Variants in SGCG observed in about 807,000 individuals in gnomAD.
SGCG encodes sarcoglycan gamma, also known as gamma-sarcoglycan.
A neutral mutation model predicts 29.3 loss-of-function variants in SGCG; 26 were observed. The ratio of observed to expected loss-of-function variants is 0.89; its 90% CI spans 0.65 to 1.23. SGCG has a LOEUF of 1.23. Ranked by LOEUF, SGCG falls within the 50% of genes most tolerant of loss-of-function variation. SGCG has a pLI of 0.00. For synonymous variants in SGCG, 145 were observed against 129.7 expected (o/e 1.12, Z -0.80); for missense variants, 353 against 356.0 (o/e 0.99, Z 0.07).
chr13:23,180,195 A>G (rs12100082), upstream of SGCG, among the ~76,000 whole-genome samples: 58 of 152,344 alleles, frequency 3.8e-4, no homozygotes, highest in African/African-American at 1.3e-3. Flanking sequence ...CATAAAAATA[A>G]TGCAAAATAA....
rs569862668 is a variant in SGCG, at chr13:23,233,421, T to C, written c.196-1190T>C. 5.3e-5 allele frequency among the ~76,000 whole-genome samples: 8 copies of C among 152,304 alleles called. No homozygotes were observed. In the South Asian group the frequency reaches 1.7e-3, roughly 32 times the overall value. On this transcript the variant is annotated intron_variant, in intron 2 of 7. Transcript: ENST00000218867. ...TTGACCTTATAGCCATATACATATA[T>C]TTCAAATTGTACCCCAAAATGTGTA...
At chr13:23,186,121 C>G (rs1246516971) in intron 1 of SGCG, among the ~76,000 whole-genome samples, 2 of 152,216 alleles carry the variant, frequency 1.3e-5, no homozygotes, top group Admixed American at 6.5e-5. Flanking sequence ...TCAGCATTTG[C>G]TTCATTCTCA....
chr13:23,232,474 T>A (rs1879149178), intron 2 of SGCG, among the ~76,000 whole-genome samples: 1 of 152,196 alleles, frequency 6.6e-6, no homozygotes, highest in Admixed American at 6.5e-5. Flanking sequence ...TAAATAATGC[T>A]TTCTATTTGG....
chr13:23,223,867 GAGGCA>G (rs1321619254), intron 2 of SGCG, among the ~76,000 whole-genome samples: 2 of 152,186 alleles, frequency 1.3e-5, no homozygotes, highest in African/African-American at 2.4e-5. Flanking sequence ...TCGGGAGGCT[GAGGCA>G]AGAGAATCGC....
chr13:23,242,504 G>A (rs974162675), intron 3 of SGCG, among the ~76,000 whole-genome samples: 3 of 152,166 alleles, frequency 2.0e-5, no homozygotes, highest in African/African-American at 4.8e-5. Context: ...AAAGTTCTAC[G>A]TTCTATGATT....
chr13:23,274,849 T>C (rs9552907), intron 4 of SGCG, among the ~76,000 whole-genome samples: 1 of 151,778 alleles, frequency 6.6e-6, no homozygotes, highest in Non-Finnish European at 1.5e-5. Context: ...AATTTAATAA[T>C]GCTATGAAAT....
At chr13:23,193,888 C>A (rs980415603) in intron 1 of SGCG, among the ~76,000 whole-genome samples, 18 of 151,690 alleles carry the variant, frequency 1.2e-4, no homozygotes, top group Non-Finnish European at 2.2e-4. Flanking sequence ...ATTTAGAGGC[C>A]AGAGAAAAAG....
At chr13:23,277,987 C>A (rs139261301) in intron 4 of SGCG, among the ~76,000 whole-genome samples, 3 of 151,948 alleles carry the variant, frequency 2.0e-5, no homozygotes, top group African/African-American at 4.8e-5. Flanking sequence ...CGTGAGCCAC[C>A]GCGCCCAGCC....
intron 1 of SGCG, among the ~76,000 whole-genome samples, chr13:23,188,000 A>G (rs1408977911): frequency 6.6e-6 from 1 of 152,190 alleles, no homozygotes; most frequent in East Asian, 1.9e-4. Flanking sequence ...GGATGCATCT[A>G]ACCCCACAGG....
At chr13:23,310,342 T>C (rs1007704239) in intron 6 of SGCG, among the ~76,000 whole-genome samples, 2 of 152,138 alleles carry the variant, frequency 1.3e-5, no homozygotes, top group African/African-American at 2.4e-5. Context: ...CGCCTCGGCC[T>C]CCCAAAGTGC....
At chr13:23,162,320 A>C in the SGCG span, among the ~76,000 whole-genome samples, 1 of 152,222 alleles carries the variant, frequency 6.6e-6, no homozygotes, top group Non-Finnish European at 1.5e-5. Flanking sequence ...TTTACTGCTT[A>C]AGACTGTATC....
intron 2 of SGCG, among the ~76,000 whole-genome samples, chr13:23,224,665 T>TACACACACAC (rs60671278): frequency 4.9e-4 from 69 of 142,084 alleles, no homozygotes; most frequent in African/African-American, 1.3e-3. Context: ...AGGGCACACA[T>TACACACACAC]ACACACACAC....
intron 3 of SGCG, among the ~76,000 whole-genome samples, chr13:23,248,904 T>A (rs1449414117): frequency 2.1e-5 from 3 of 144,024 alleles, no homozygotes; most frequent in Non-Finnish European, 4.5e-5. Flanking sequence ...GGCAGGAGAA[T>A]GGCGTGAACC....
At chr13:23,284,268 A>G (rs921087331) in intron 5 of SGCG, among the ~76,000 whole-genome samples, 1 of 152,078 alleles carries the variant, frequency 6.6e-6, no homozygotes, top group African/African-American at 2.4e-5. Flanking sequence ...TGGTCTTTTC[A>G]CATAGTCCCA....
chr13:23,257,088 G>T (rs1005519396), intron 4 of SGCG, among the ~76,000 whole-genome samples: 1 of 152,126 alleles, frequency 6.6e-6, no homozygotes, highest in South Asian at 2.1e-4. Flanking sequence ...GTGTGAAATG[G>T]TATCTCTTTG....
chr13:23,171,630 C>A, the SGCG span, among the ~76,000 whole-genome samples: 1 of 152,136 alleles, frequency 6.6e-6, no homozygotes, highest in Non-Finnish European at 1.5e-5. Flanking sequence ...ACAGTTTTTC[C>A]ATAGATGGAG....
intron 2 of SGCG, among the ~76,000 whole-genome samples, chr13:23,207,568 G>A (rs1878029142): frequency 6.6e-6 from 1 of 152,152 alleles, no homozygotes; most frequent in Admixed American, 6.6e-5. Context: ...CTATATAACT[G>A]ATAAGGGGTT....
chr13:23,206,778 T>C (rs146673743), intron 2 of SGCG, among the ~76,000 whole-genome samples: 6 of 152,302 alleles, frequency 3.9e-5, no homozygotes, highest in Non-Finnish European at 7.4e-5. Flanking sequence ...TAAAGACTTA[T>C]ACAGTGACAA....
At chr13:23,226,963 G>A (rs1878922744) in intron 2 of SGCG, among the ~76,000 whole-genome samples, 1 of 152,160 alleles carries the variant, frequency 6.6e-6, no homozygotes, top group African/African-American at 2.4e-5. Flanking sequence ...CAAATTTTAG[G>A]ACAATGAATC....
Sources: gnomAD v4.1 joint callset for allele counts (sites outside exome capture counted in the v4.1 genomes callset) on GRCh38, gnomAD v4.1.1 for gene constraint, MANE v1.5 for transcripts, NCBI Gene and HGNC (gene_info 2026-07-23, HGNC 2026-07-21) for gene names.